The following ACHE variants were observed in gnomAD, a reference collection of about 807,000 sequenced individuals.
ACHE encodes acetylcholinesterase (Yt blood group), also known as acetylcholinesterase.
Under a neutral mutation model 53.9 loss-of-function variants are expected in ACHE, and 19 were observed. That is an observed-to-expected ratio of 0.35 (90% CI 0.25 to 0.52). ACHE has a LOEUF of 0.52. Among genes scored for constraint, ACHE ranks in the 20% least tolerant of loss-of-function variants. The probability of loss-of-function intolerance (pLI) is 0.95; values close to 1 mark genes in which losing one functional copy is unlikely to be tolerated. For synonymous variants in ACHE, 392 were observed against 378.1 expected, an observed-to-expected ratio of 1.04 and a Z score of -0.43; for missense variants, 605 against 849.4, an observed-to-expected ratio of 0.71 and a Z score of 3.58.
In ACHE at chr7:100,892,774, A is replaced by C; in HGVS notation, c.1113T>G (p.Val371=). 6.2e-7 allele frequency: 1 copy of C among 1,606,190 alleles called. No homozygotes were observed. Among genetic ancestry groups the C allele is most frequent in the Non-Finnish European group, 8.5e-7 (1 of 1,178,224 alleles). ...VVKDEGSYFL[V]YGAPGFSKDN... is the part of the protein sequence containing the mutation. ...CTTTGCTGAAGCCTGGGGCCCCGTA[A>C]ACCAGAAAATACGAGCCCTCATCCT... The change falls in exon 3 of 5, where the codon GTT becomes GTG. Residue 371 remains valine, a synonymous_variant. Transcript: ENST00000241069. This position sits in a 1 kb window ranked among gnomAD's most constrained non-coding sequence, Gnocchi z 5.2.
chr7:100,892,928 G>T lies in ACHE; in HGVS notation c.1069-110C>A. 1 of 1,373,528 alleles carries T rather than the reference G, an allele frequency of 7.3e-7. No homozygotes were observed. The highest frequency in any genetic ancestry group is 9.7e-7 in the Non-Finnish European group (1 of 1,032,958). 85.1% of individuals were successfully genotyped at this position (1,373,528 alleles called of 1,614,324 possible). A position where few individuals can be genotyped will look rare whatever the true frequency, so the allele number is the denominator to read the frequency against. On this transcript the variant is annotated intron_variant, in intron 2 of 4. Transcript: ENST00000241069. This position sits in a 1 kb window ranked among gnomAD's most constrained non-coding sequence, Gnocchi z 5.2. ...AGAGAGATGAACAGTTACAGACCCGGAACCATGGACAGAGAGAGGACGAGA... is the reference window on the plus strand; with the variant it reads ...AGAGAGATGAACAGTTACAGACCCGTAACCATGGACAGAGAGAGGACGAGA...
Position 100,893,777 on chromosome 7 carries a change from A to T in ACHE, c.456T>A (p.Gly152=), listed in dbSNP as rs1317659136. 6.2e-7 allele frequency: 1 copy of T among 1,613,562 alleles called. No individual in the cohort carries two copies. Among genetic ancestry groups the T allele is most frequent in the Non-Finnish European group, 8.5e-7 (1 of 1,179,994 alleles). The part of the protein sequence containing the change: ...PTPVLVWIYG[G]GFYSGASSLD... ...AGGAGGAGGCCCCACTGTAGAAGCC[A>T]CCCCCATAGATCCAGACGAGGACAG... is the stretch of plus-strand genomic sequence containing the variant. The change falls in exon 2 of 5, where the codon GGT becomes GGA. Residue 152 remains glycine (G), a synonymous_variant. Transcript: ENST00000241069.
upstream of ACHE, chr7:100,896,612 C>A: frequency 3.7e-6 from 1 of 267,348 alleles, no homozygotes; most frequent in Non-Finnish European, 8.1e-6. Flanking sequence ...CCGCACTCCG[C>A]GGCGGCAGTG....
In ACHE at chr7:100,890,143, C is replaced by G; in HGVS notation, c.*71G>C. On this transcript the variant is annotated 3_prime_UTR_variant, in exon 5 of 5. Coordinates refer to ENST00000241069, the MANE Select transcript of ACHE (RefSeq NM_000665.5). The stretch of plus-strand genomic sequence containing the variant: ...TCTGGGGCTCGTCTGTGTTATAGCC[C>G]AGCCCTGAAATAAATAGTATATACA... The G allele has an allele frequency of 1.9e-6, 3 of 1,574,346 alleles. No individual in the cohort carries two copies. The highest frequency in any genetic ancestry group is 2.6e-6 in the Non-Finnish European group (3 of 1,153,186).
At chr7:100,890,848 T>A (rs1584770184) in intron 4 of ACHE, 1 of 1,428,684 alleles carries the variant, frequency 7.0e-7, no homozygotes, top group East Asian at 2.5e-5. Context: ...GTCTCTCGGT[T>A]TGAGGAGGAA....
At chr7:100,893,131 G>A in intron 2 of ACHE, 34 bp downstream of exon 2, 1 of 1,602,852 alleles carries the variant, frequency 6.2e-7, no homozygotes, top group Non-Finnish European at 8.5e-7. Flanking sequence ...GGGACCCAGA[G>A]GAGCCAGCTT....
chr7:100,896,708 C>A, upstream of ACHE: 1 of 316,350 alleles, frequency 3.2e-6, no homozygotes, highest in Non-Finnish European at 6.6e-6. Flanking sequence ...CCGGTCGGGG[C>A]ATGACATCAC....
At position 100,894,192 on chromosome 7, in the gene ACHE, G is replaced by A. The variant is rs781607364; in HGVS notation, c.41C>T (p.Ala14Val). The A allele has an allele frequency of 6.8e-7, 1 of 1,476,250 alleles. No individual in the cohort carries two copies. The highest frequency in any genetic ancestry group is 1.4e-5 in the African/African-American group (1 of 71,368). The allele number at this position is 1,476,250 out of a possible 1,614,324, so 91.4% of individuals were successfully genotyped here. The change falls in exon 2 of 5, where the codon GCT becomes GTT. Residue 14 changes from alanine (A) to valine (V), a missense_variant. Ala to Val is a moderately conservative substitution (Grantham distance 64). Around this residue, in one of 4 missense-constraint regions of ACHE, gnomAD observed 89 missense variants for 78.9 expected, o/e 1.13. Transcript: ENST00000241069. ...GAGGAGGAGGAGAAGGAGTGGGGAA[G>A]CCAGGGAAGGCGTGTGCAGCAGACA... ...PQCLLHTPSL[A>V]SPLLLLLLWL...
rs1375989925 is a variant in ACHE at position 100,892,629 on chromosome 7, C to T, written c.1258G>A (p.Glu420Lys). 2.5e-6 allele frequency: 4 copies of T among 1,613,192 alleles called. No homozygotes were observed. The highest frequency in any genetic ancestry group is 3.4e-6 in the Non-Finnish European group (4 of 1,179,864). Residue 420 changes from glutamate (E) to lysine (K), a missense_variant, in exon 3 of 5, where the codon GAG becomes AAG. Coordinates refer to ENST00000241069, the MANE Select transcript of ACHE (RefSeq NM_000665.5). The surrounding 1 kb of genome is among the most constrained non-coding windows in gnomAD (Gnocchi z 5.2). ...GCCTCCCTCAGGCGTGCCGGGTCCT[C>T]GGGATGCAGCCAGTCTGTGTAATGC... ...VLHYTDWLHP[E>K]DPARLREALS...
chr7:100,896,686 C>T (rs1304274614), upstream of ACHE: 2 of 299,350 alleles, frequency 6.7e-6, no homozygotes, highest in Admixed American at 8.3e-5. Flanking sequence ...TTCGGACTTT[C>T]GTCACCAGGG....
Position 100,893,481 on chromosome 7 carries a change from C to A in ACHE, c.752G>T (p.Gly251Val). The stretch of plus-strand genomic sequence containing the variant: ...CTGCAGCACGGCCCTGTGGAACAGG[C>A]CCCGGCTGGGCGGGGACAGCAGGTG... Reference protein sequence around the residue: ...GMHLLSPPSRGLFHRAVLQSG... With the variant: ...GMHLLSPPSRVLFHRAVLQSG... The change falls in exon 2 of 5, where the codon GGC becomes GTC. Residue 251 changes from glycine to valine, a missense_variant. Physicochemically the swap from Gly to Val is moderately radical, Grantham distance 109. This residue lies in a region of ACHE where 397 missense variants were observed against 632.5 expected (regional missense o/e 0.63). Coordinates refer to ENST00000241069, the MANE Select transcript of ACHE (RefSeq NM_000665.5). 1 of 1,607,714 alleles carries A rather than the reference C, an allele frequency of 6.2e-7. No individual in the cohort carries two copies. The highest frequency in any genetic ancestry group is 1.1e-5 in the South Asian group (1 of 91,016).
intron 4 of ACHE, chr7:100,890,823 C>G: frequency 7.1e-7 from 1 of 1,405,810 alleles, no homozygotes; most frequent in South Asian, 1.8e-5. Flanking sequence ...CCTCCTCCTG[C>G]CCTGTCCAGT....
In ACHE at chr7:100,893,800, C is replaced by T; in HGVS notation, c.433G>A (p.Val145Ile). 6.2e-7 allele frequency: 1 copy of T among 1,613,852 alleles called. No individual in the cohort carries two copies. Among genetic ancestry groups the T allele is most frequent in the Non-Finnish European group, 8.5e-7 (1 of 1,179,994 alleles). Residue 145 changes from valine to isoleucine, a missense_variant, in exon 2 of 5, where the codon GTC (valine) becomes ATC (isoleucine). Physicochemically the swap from Val to Ile is conservative, Grantham distance 29 (BLOSUM62 3). This residue lies in a region of ACHE where 397 missense variants were observed against 632.5 expected (regional missense o/e 0.63). Transcript: ENST00000241069. ...PYPRPTSPTP[V>I]LVWIYGGGFY... ...CCACCCCCATAGATCCAGACGAGGA[C>T]AGGGGTGGGGGATGTAGGCCGGGGG...
rs540427393 is a variant in ACHE at position 100,892,155 on chromosome 7, T to G, written c.1553+179A>C. Among the ~76,000 whole-genome samples the G allele has an allele frequency of 6.6e-6, 1 of 151,806 alleles. No individual in the cohort carries two copies. The highest frequency in any genetic ancestry group is 2.4e-5 in the African/African-American group (1 of 41,392). On this transcript the variant is annotated intron_variant, in intron 3 of 4. Coordinates refer to ENST00000241069, the MANE Select transcript of ACHE (RefSeq NM_000665.5). The surrounding 1 kb of genome is among the most constrained non-coding windows in gnomAD (Gnocchi z 5.2). ...CTGTCTCTGCAAGACCCCCTCTGCC[T>G]TCTCTGTCTCCTTTCTTTTTCTCTC...
Position 100,892,004 on chromosome 7 carries a change from T to A in ACHE, c.1553+330A>T, listed in dbSNP as rs1393595055. ...GGTCTTGTTATGTTGTCCAGTCTGG[T>A]CTCAAACTCCTGGCCTCAGGGGATC... is the stretch of plus-strand genomic sequence containing the variant. On this transcript the variant is annotated intron_variant, in intron 3 of 4. Transcript: ENST00000241069. The surrounding 1 kb of genome is among the most constrained non-coding windows in gnomAD (Gnocchi z 5.2). Among the ~76,000 whole-genome samples, 15 of 151,772 alleles carry A rather than the reference T, an allele frequency of 9.9e-5. No individual in the cohort carries two copies. Among genetic ancestry groups the A allele is most frequent in the Non-Finnish European group, 1.9e-4 (13 of 67,922 alleles).
In ACHE at chr7:100,892,208, CCT is replaced by C; in HGVS notation, c.1553+124_1553+125del. 1 of 1,205,460 alleles carries C rather than the reference CCT, an allele frequency of 8.3e-7. No homozygotes were observed. Among genetic ancestry groups the C allele is most frequent in the Non-Finnish European group, 1.1e-6 (1 of 923,192 alleles). The allele number at this position is 1,205,460 out of a possible 1,614,324, so 74.7% of individuals were successfully genotyped here. On this transcript the variant is annotated intron_variant, in intron 3 of 4. Coordinates refer to ENST00000241069, the MANE Select transcript of ACHE (RefSeq NM_000665.5). The surrounding 1 kb of genome is among the most constrained non-coding windows in gnomAD (Gnocchi z 5.2). ...CTTTTATCTACTTTGTGAGCATATC[CCT>C]CTCTGGCTGTTCTATCCTGCCCCTG...
chr7:100,891,940 C>T (rs1382263717), intron 3 of ACHE, among the ~76,000 whole-genome samples: 3 of 151,998 alleles, frequency 2.0e-5, no homozygotes, highest in Non-Finnish European at 4.4e-5. Flanking sequence ...GCCACCGTGC[C>T]TGGCTAAGTT....
chr7:100,890,648 G>A (rs1264497855), intron 4 of ACHE: 2 of 1,377,080 alleles, frequency 1.5e-6, no homozygotes, highest in Non-Finnish European at 1.9e-6. Flanking sequence ...ATGGTTGACC[G>A]TTATAGCCCC....
Position 100,892,300 on chromosome 7 carries a change from CCTCCCCAGCCTTCT to C in ACHE, c.1553+20_1553+33del. On this transcript the variant is annotated intron_variant, in intron 3 of 4. Coordinates refer to ENST00000241069, the MANE Select transcript of ACHE (RefSeq NM_000665.5). The surrounding 1 kb of genome is among the most constrained non-coding windows in gnomAD (Gnocchi z 5.2). ...GTGTCCTCCCGCCCCCGACTCCTGT[CCTCCCCAGCCTTCT>C]CTCCCTCTGCACTGCTGACCCTGTG... 3.4e-6 allele frequency: 5 copies of C among 1,481,834 alleles called. No homozygotes were observed. Among genetic ancestry groups the C allele is most frequent in the Non-Finnish European group, 4.5e-6 (5 of 1,112,036 alleles). 91.8% of individuals were successfully genotyped at this position (1,481,834 alleles called of 1,614,324 possible). A position where few individuals can be genotyped will look rare whatever the true frequency, so the allele number is the denominator to read the frequency against.
Sources: gnomAD v4.1 joint callset for allele counts (sites outside exome capture counted in the v4.1 genomes callset) on GRCh38, gnomAD v4.1.1 for gene constraint, gnomAD v4.1.1 regional missense constraint, Gnocchi (gnomAD v3.1) non-coding constraint, MANE v1.5 for transcripts, NCBI Gene and HGNC (gene_info 2026-07-23, HGNC 2026-07-21) for gene names.